Variants in PRDM16 observed in about 807,000 individuals in gnomAD.
PRDM16 encodes the protein histone-lysine N-methyltransferase PRDM16.
In PRDM16, 23 loss-of-function variants were observed where a neutral mutation model predicts 110.6. The observed-to-expected ratio is 0.21, with a 90% CI of 0.15 to 0.29. The LOEUF (loss-of-function observed/expected upper bound fraction) is 0.29, where lower values mean the gene tolerates loss of function less well. PRDM16 is among the 10% of genes least tolerant of loss of function. The pLI is 1.00. For synonymous variants in PRDM16, 799 were observed against 781.8 expected (o/e 1.02, Z -0.37); for missense variants, 1,615 against 1,794.3 (o/e 0.90, Z 1.81).
rs117090394 is a variant in PRDM16 at position 3,435,702 on chromosome 1, C to T, written c.*1891C>T. The T allele has an allele frequency of 6.8e-4, 157 of 232,558 alleles. 2 individuals are homozygous for T. The East Asian group carries it at 8.8e-3, about 13-fold the overall frequency. 14.4% of individuals were successfully genotyped at this position (232,558 alleles called of 1,614,324 possible). ...CAGGCTTTGTGTCACGCGTGGACAT[C>T]TCCTCAGGCTGTCCCCAGCGGTGAC... is the stretch of plus-strand genomic sequence containing the variant. On this transcript the variant is annotated 3_prime_UTR_variant, in exon 17 of 17. Coordinates refer to ENST00000270722, the MANE Select transcript of PRDM16 (RefSeq NM_022114.4).
chr1:3,396,775 C>A (rs184816847), intron 5 of PRDM16, among the ~76,000 whole-genome samples, 182 bp downstream of exon 5: 1 of 152,188 alleles, frequency 6.6e-6, no homozygotes, highest in African/African-American at 2.4e-5. Context: ...AGAAATTGCC[C>A]GCCTCCACAA....
At chr1:3,100,993 G>T (rs533906893) in intron 1 of PRDM16, among the ~76,000 whole-genome samples, 48 of 152,228 alleles carry the variant, frequency 3.2e-4, no homozygotes, top group Non-Finnish European at 6.2e-4. Context: ...CATTGGAGGG[G>T]GTGGGTGTCC....
At chr1:3,393,769 GC>G in intron 4 of PRDM16, among the ~76,000 whole-genome samples, 1 of 152,214 alleles carries the variant, frequency 6.6e-6, no homozygotes, top group East Asian at 1.9e-4. Flanking sequence ...CAAGGGCGGG[GC>G]CGGCGAGTGT....
At chr1:3,296,591 C>T (rs368607556) in intron 3 of PRDM16, among the ~76,000 whole-genome samples, 1 of 152,320 alleles carries the variant, frequency 6.6e-6, no homozygotes, top group East Asian at 1.9e-4. Context: ...GGGGACCTGG[C>T]CCAAAGCCAG....
In PRDM16 at chr1:3,437,684, C is replaced by T. The variant is rs746586088; in HGVS notation, c.*3873C>T. 4 of 225,924 alleles carry T rather than the reference C, an allele frequency of 1.8e-5. No homozygotes were observed. The highest frequency in any genetic ancestry group is 2.6e-5 in the Non-Finnish European group (3 of 113,606). 14.0% of individuals were successfully genotyped at this position (225,924 alleles called of 1,614,324 possible). On this transcript the variant is annotated 3_prime_UTR_variant, in exon 17 of 17. Transcript: ENST00000270722. The stretch of plus-strand genomic sequence containing the variant: ...TTCTTCCTAGAAGAGTTCCTCTGCT[C>T]CTTCCATTCCATTTTTGTGTTTGTT...
intron 1 of PRDM16, among the ~76,000 whole-genome samples, chr1:3,150,335 G>C (rs1204378304): frequency 6.7e-6 from 1 of 149,782 alleles, no homozygotes; most frequent in African/African-American, 2.5e-5. Context: ...TTGGGCAGGT[G>C]ACTTGTGGTC....
chr1:3,278,476 A>G (rs1373710253), intron 3 of PRDM16, among the ~76,000 whole-genome samples: 1 of 152,230 alleles, frequency 6.6e-6, no homozygotes, highest in Non-Finnish European at 1.5e-5. Flanking sequence ...ATATTTCAGC[A>G]GCAGCACATT....
At chr1:3,374,759 G>A (rs779551126) in intron 3 of PRDM16, among the ~76,000 whole-genome samples, 18 of 152,296 alleles carry the variant, frequency 1.2e-4, no homozygotes, top group South Asian at 6.2e-4. Flanking sequence ...TCGTCCCTTC[G>A]GGGGTCCTGA....
chr1:3,209,519 G>A lies in PRDM16; in HGVS notation c.387+23045G>A, dbSNP rs1049096606. On this transcript the variant is annotated intron_variant, in intron 2 of 16. Transcript: ENST00000270722. The surrounding 1 kb of genome is among the most constrained non-coding windows in gnomAD (Gnocchi z 4.6). The stretch of plus-strand genomic sequence containing the variant: ...CAGGCCTGGGTGTGGAATAGGCCTC[G>A]CTGGGAGGCCGTGGTTCTGCTCCTG... 2.6e-5 allele frequency among the ~76,000 whole-genome samples: 4 copies of A among 152,196 alleles called. No individual in the cohort carries two copies. Among genetic ancestry groups the A allele is most frequent in the Admixed American group, 6.5e-5 (1 of 15,288 alleles).
At chr1:3,152,960 CAG>C (rs920749741) in intron 1 of PRDM16, among the ~76,000 whole-genome samples, 1 of 152,228 alleles carries the variant, frequency 6.6e-6, no homozygotes, top group African/African-American at 2.4e-5. Flanking sequence ...AACAAACTAA[CAG>C]GGGTCATTTC....
At chr1:3,134,009 C>T (rs1374864547) in intron 1 of PRDM16, among the ~76,000 whole-genome samples, 1 of 152,170 alleles carries the variant, frequency 6.6e-6, no homozygotes, top group Non-Finnish European at 1.5e-5. Flanking sequence ...GACTGCAAAG[C>T]ACTGGGGAAA....
chr1:3,109,304 A>C (rs750254867), intron 1 of PRDM16, among the ~76,000 whole-genome samples: 7 of 151,958 alleles, frequency 4.6e-5, no homozygotes, highest in Admixed American at 1.3e-4. Context: ...AATGCCGTGG[A>C]TTCTAGCTTG....
In PRDM16 at chr1:3,143,534, C is replaced by A. The variant is rs1044406391; in HGVS notation, c.38-42591C>A. ...GCTCTGTCACCCAGGCTGGAGTGCA[C>A]TGGCGCAATCTCCGCTCACTGCAGT... On this transcript the variant is annotated intron_variant, in intron 1 of 16. Coordinates refer to ENST00000270722, the MANE Select transcript of PRDM16 (RefSeq NM_022114.4). The surrounding 1 kb of genome is among the most constrained non-coding windows in gnomAD (Gnocchi z 4.5). Among the ~76,000 whole-genome samples, 1 of 152,142 alleles carries A rather than the reference C, an allele frequency of 6.6e-6. No homozygotes were observed. Among genetic ancestry groups the A allele is most frequent in the African/African-American group, 2.4e-5 (1 of 41,422 alleles).
At chr1:3,242,520 G>A (rs571041875) in intron 2 of PRDM16, among the ~76,000 whole-genome samples, 4 of 152,160 alleles carry the variant, frequency 2.6e-5, no homozygotes, top group Non-Finnish European at 5.9e-5. Context: ...GCAGCTCCTC[G>A]AGCTCTGCCT....
Position 3,358,957 on chromosome 1 carries a change from C to A in PRDM16, c.439-26195C>A, listed in dbSNP as rs1335018516. On this transcript the variant is annotated intron_variant, in intron 3 of 16. Coordinates refer to ENST00000270722, the MANE Select transcript of PRDM16 (RefSeq NM_022114.4). The surrounding 1 kb of genome is among the most constrained non-coding windows in gnomAD (Gnocchi z 4.0). ...GAGGAATCAGAGGGGGAAAGCACAGCCGCTGTGGCTCATGTTGTCATCTTG... is the reference window on the plus strand; with the variant it reads ...GAGGAATCAGAGGGGGAAAGCACAGACGCTGTGGCTCATGTTGTCATCTTG... Among the ~76,000 whole-genome samples the A allele has an allele frequency of 1.3e-5, 2 of 152,216 alleles. No homozygotes were observed. Among genetic ancestry groups the A allele is most frequent in the East Asian group, 1.9e-4 (1 of 5,188 alleles).
chr1:3,255,886 ACCCGAAGCCAACCCCGTGGCCGCACCG>A lies in PRDM16; in HGVS notation c.438+11750_438+11776del, dbSNP rs1640033790. Among the ~76,000 whole-genome samples the A allele has an allele frequency of 1.3e-5, 2 of 151,574 alleles. No individual in the cohort carries two copies. Among genetic ancestry groups the A allele is most frequent in the South Asian group, 4.2e-4 (2 of 4,782 alleles). On this transcript the variant is annotated intron_variant, in intron 3 of 16. Coordinates refer to ENST00000270722, the MANE Select transcript of PRDM16 (RefSeq NM_022114.4). This position sits in a 1 kb window ranked among gnomAD's most constrained non-coding sequence, Gnocchi z 4.7. Reference sequence around the variant, plus strand: ...AAGCCAACCCCGTGGCCGCACTGACACCCGAAGCCAACCCCGTGGCCGCACCGACACCTGAAGCCAATCCCGTGGCCA... The same window carrying A: ...AAGCCAACCCCGTGGCCGCACTGACAACACCTGAAGCCAATCCCGTGGCCA...
At chr1:3,322,874 G>T (rs1641793714) in intron 3 of PRDM16, among the ~76,000 whole-genome samples, 1 of 152,176 alleles carries the variant, frequency 6.6e-6, no homozygotes, top group South Asian at 2.1e-4. Context: ...GGGGTTCATG[G>T]CCTTCTTACC....
intron 1 of PRDM16, among the ~76,000 whole-genome samples, chr1:3,165,754 T>A (rs1187556390): frequency 4.3e-5 from 3 of 69,284 alleles, no homozygotes; most frequent in Non-Finnish European, 7.3e-5. Context: ...GTGACTCACC[T>A]GGGCCCAGGG....
Position 3,244,261 on chromosome 1 carries a change from C to T in PRDM16, c.438+124C>T, listed in dbSNP as rs375819708. 747 of 873,336 alleles carry T rather than the reference C, an allele frequency of 8.6e-4. 4 individuals carry two copies. Among genetic ancestry groups the T allele is most frequent in the South Asian group, 7.3e-3 (518 of 70,658 alleles). 54.1% of individuals were successfully genotyped at this position (873,336 alleles called of 1,614,324 possible). ...TAGTCGGAATGTTGCTGGCAGGCCC[C>T]GAGCAATGTGTTATCTGTGGACTGA... On this transcript the variant is annotated intron_variant, in intron 3 of 16. Coordinates refer to ENST00000270722, the MANE Select transcript of PRDM16 (RefSeq NM_022114.4). The surrounding 1 kb of genome is among the most constrained non-coding windows in gnomAD (Gnocchi z 4.1).
Sources: allele counts gnomAD v4.1 joint callset (sites outside exome capture counted in the v4.1 genomes callset), GRCh38; gene constraint gnomAD v4.1.1; non-coding constraint Gnocchi (gnomAD v3.1); transcripts MANE v1.5; gene names NCBI Gene and HGNC (gene_info 2026-07-23, HGNC 2026-07-21).